The following TAF11 variants were observed in gnomAD, a reference collection of about 807,000 sequenced individuals.
TAF11 encodes transcription initiation factor TFIID subunit 11.
Under a neutral mutation model 23.0 loss-of-function variants are expected in TAF11, and 10 were observed. The observed-to-expected ratio is 0.43, with a 90% CI of 0.27 to 0.74. TAF11 has a LOEUF of 0.74. Among genes scored for constraint, TAF11 ranks in the 30% least tolerant of loss-of-function variants. The probability of loss-of-function intolerance (pLI) is 0.19; values close to 1 mark genes in which losing one functional copy is unlikely to be tolerated. For missense variants in TAF11, 196 were observed against 261.7 expected (o/e 0.75, Z 1.73); for synonymous variants, 85 against 95.8 (o/e 0.89, Z 0.66).
Position 34,878,463 on chromosome 6 carries a change from A to G in TAF11, c.*127T>C. 1.5e-6 allele frequency: 1 copy of G among 681,274 alleles called. No individual in the cohort carries two copies. Among genetic ancestry groups the G allele is most frequent in the Middle Eastern group, 4.0e-4 (1 of 2,504 alleles). The allele number at this position is 681,274 out of a possible 1,614,324, so 42.2% of individuals were successfully genotyped here. On this transcript the variant is annotated 3_prime_UTR_variant, in exon 5 of 5. Transcript: ENST00000361288. ...TGTGACAAATATCAGAGTTTTGAGA[A>G]AGACATTAAAATCATCATGGAATCC...
intron 2 of TAF11, 127 bp downstream of exon 2, chr6:34,882,805 A>G (rs944830338): frequency 3.1e-5 from 36 of 1,178,004 alleles, no homozygotes; most frequent in Non-Finnish European, 9.2e-6. Context: ...ATGCCCAGCC[A>G]TAATGTATTA....
intron 1 of TAF11, 42 bp from the exon 2 acceptor site, chr6:34,883,122 T>C: frequency 1.3e-6 from 2 of 1,580,960 alleles, no homozygotes; most frequent in Non-Finnish European, 1.7e-6. Flanking sequence ...TTGGCCTACT[T>C]TCCAGGCTTG....
intron 1 of TAF11, among the ~76,000 whole-genome samples, chr6:34,885,833 T>C (rs1202516898): frequency 6.6e-6 from 1 of 152,024 alleles, no homozygotes; most frequent in Admixed American, 6.6e-5. Context: ...TTAAAAAACC[T>C]TTAGCTGGCC....
In TAF11 at chr6:34,880,036, C is replaced by G; in HGVS notation, c.436G>C (p.Val146Leu). Residue 146 changes from valine (V) to leucine (L), a missense_variant, in exon 4 of 5, where the codon GTG (valine) becomes CTG (leucine). By Grantham distance (32) the Val-to-Leu change is conservative. Transcript: ENST00000361288. The surrounding 1 kb of genome is among the most constrained non-coding windows in gnomAD (Gnocchi z 4.8). Reference protein sequence around the residue: ...RLIQSITGTSVSQNVVIAMSG... With the variant: ...RLIQSITGTSLSQNVVIAMSG... ...ATAGCAATAACAACATTCTGAGACA[C>G]AGAGGTGCCAGTGATGGACTGGATC... 1.2e-6 allele frequency: 2 copies of G among 1,614,170 alleles called. No homozygotes were observed. Among genetic ancestry groups the G allele is most frequent in the Non-Finnish European group, 1.7e-6 (2 of 1,180,016 alleles).
At chr6:34,885,256 G>C (rs1265053124) in intron 1 of TAF11, among the ~76,000 whole-genome samples, 1 of 151,964 alleles carries the variant, frequency 6.6e-6, no homozygotes, top group South Asian at 2.1e-4. Context: ...CTTGAGTTAG[G>C]TGCTTATTTG....
At position 34,880,526 on chromosome 6, in the gene TAF11, A is replaced by G. The variant is rs1270323004; in HGVS notation, c.321-150T>C. The G allele has an allele frequency of 1.5e-6, 1 of 656,962 alleles. No homozygotes were observed. The highest frequency in any genetic ancestry group is 1.8e-5 in the African/African-American group (1 of 54,720). 40.7% of individuals were successfully genotyped at this position (656,962 alleles called of 1,614,324 possible). On this transcript the variant is annotated intron_variant, in intron 2 of 4. Transcript: ENST00000361288. The surrounding 1 kb of genome is among the most constrained non-coding windows in gnomAD (Gnocchi z 4.8). ...GTGCCTTGAGGAATGAAGATAAAAC[A>G]CTTCTACTCCAAAGGAATTTGAGAA...
chr6:34,879,196 C>A (rs4646941), intron 4 of TAF11: 11,722 of 176,404 alleles, frequency 0.066, 614 homozygotes, highest in East Asian at 0.23. Flanking sequence ...CAGAGTGAGA[C>A]CCTGTCTCAA....
At position 34,887,944 on chromosome 6, in the gene TAF11, T is replaced by A; in HGVS notation, c.14A>T (p.His5Leu). The A allele has an allele frequency of 6.2e-7, 1 of 1,614,158 alleles. No individual in the cohort carries two copies. Among genetic ancestry groups the A allele is most frequent in the Non-Finnish European group, 8.5e-7 (1 of 1,180,032 alleles). ...TCCACCTTTGTCGGAGGGCGACTCG[T>A]GGGCATCGTCCATCACGGATAGGAT... MDDAHESPSDKGGET... is the reference protein window; with the variant it reads MDDALESPSDKGGET... Residue 5 changes from histidine (H) to leucine (L), a missense_variant, in exon 1 of 5, where the codon CAC becomes CTC. By Grantham distance (99) the His-to-Leu change is moderately conservative. Coordinates refer to ENST00000361288, the MANE Select transcript of TAF11 (RefSeq NM_005643.4).
intron 2 of TAF11, among the ~76,000 whole-genome samples, chr6:34,882,445 AC>A (rs1179669327): frequency 6.6e-6 from 1 of 151,864 alleles, no homozygotes; most frequent in Non-Finnish European, 1.5e-5. Context: ...TGAGTTCAAG[AC>A]CAGCCTGGCC....
At chr6:34,879,120 C>T (rs979826063) in intron 4 of TAF11, among the ~76,000 whole-genome samples, 7 of 152,022 alleles carry the variant, frequency 4.6e-5, no homozygotes, top group African/African-American at 1.5e-4. Flanking sequence ...GAGAATCACC[C>T]GAGCCCAGGA....
At chr6:34,883,976 A>G (rs1766489453) in intron 1 of TAF11, among the ~76,000 whole-genome samples, 2 of 152,232 alleles carry the variant, frequency 1.3e-5, no homozygotes, top group Admixed American at 6.5e-5. Context: ...TGGAGTATAA[A>G]TCAGTTCACC....
intron 2 of TAF11, among the ~76,000 whole-genome samples, chr6:34,882,569 A>G (rs1283406608): frequency 6.6e-6 from 1 of 151,688 alleles, no homozygotes; most frequent in African/African-American, 2.4e-5. Flanking sequence ...GTTTGAACTC[A>G]GGATGTGGAG....
At chr6:34,879,557 C>T (rs1766381535) in intron 4 of TAF11, 2 of 983,588 alleles carry the variant, frequency 2.0e-6, no homozygotes, top group East Asian at 1.1e-4. Context: ...CAATGGGAAA[C>T]AGCCAGGCTT....
intron 4 of TAF11, among the ~76,000 whole-genome samples, chr6:34,879,042 A>T (rs1461415040): frequency 1.3e-5 from 2 of 152,042 alleles, no homozygotes; most frequent in African/African-American, 4.8e-5. Context: ...TTGTCTCTAC[A>T]AAAAATTAAA....
intron 1 of TAF11, among the ~76,000 whole-genome samples, chr6:34,883,929 G>A (rs989324768): frequency 6.6e-6 from 1 of 152,202 alleles, no homozygotes; most frequent in East Asian, 1.9e-4. Context: ...ATACTGGCAA[G>A]GTTGTGGAGG....
Position 34,878,730 on chromosome 6 carries a change from G to A in TAF11, c.506-10C>T. 2 of 1,612,536 alleles carry A rather than the reference G, an allele frequency of 1.2e-6. No homozygotes were observed. The highest frequency in any genetic ancestry group is 8.5e-7 in the Non-Finnish European group (1 of 1,178,740). ...TCACACACATCCAGTGCTAAACAGA[G>A]GGTAAGGAGAAAGTCTGATTATCAC... On this transcript the variant is annotated splice_polypyrimidine_tract_variant and intron_variant, in intron 4 of 4. Transcript: ENST00000361288.
At chr6:34,885,114 C>T (rs57951780) in intron 1 of TAF11, among the ~76,000 whole-genome samples, 69,531 of 150,700 alleles carry the variant, frequency 0.46, 21,184 homozygotes, top group African/African-American at 0.85. Flanking sequence ...TCTTTTTTTT[C>T]TCCCCCAGAC....
chr6:34,879,900 G>T, intron 4 of TAF11, 67 bp downstream of exon 4: 1 of 1,561,100 alleles, frequency 6.4e-7, no homozygotes, highest in South Asian at 1.2e-5. Context: ...AAGCTCCTTT[G>T]TGTAGATATT....
chr6:34,879,934 T>C (rs763353931), intron 4 of TAF11, 33 bp downstream of exon 4: 44 of 1,602,148 alleles, frequency 2.7e-5, no homozygotes, highest in Middle Eastern at 3.3e-4. Context: ...CCACCACAGG[T>C]ACAATCCAGT....
Sources: allele counts gnomAD v4.1 joint callset (sites outside exome capture counted in the v4.1 genomes callset), GRCh38; gene constraint gnomAD v4.1.1; non-coding constraint Gnocchi (gnomAD v3.1); transcripts MANE v1.5; gene names NCBI Gene and HGNC (gene_info 2026-07-23, HGNC 2026-07-21).